The following NKAIN2 variants were observed in gnomAD, a reference collection of about 807,000 sequenced individuals.
NKAIN2 encodes sodium/potassium-transporting ATPase subunit beta-1-interacting protein 2.
A neutral mutation model predicts 32.6 loss-of-function variants in NKAIN2; 14 were observed. The observed-to-expected ratio is 0.43, with a 90% CI of 0.28 to 0.67. NKAIN2 has a LOEUF of 0.67. Ranked by LOEUF, NKAIN2 falls within the 30% of genes least tolerant of loss-of-function variation. The pLI, the probability that NKAIN2 is intolerant of heterozygous loss-of-function variation, is 0.17. For missense variants in NKAIN2, 198 were observed against 258.3 expected, an observed-to-expected ratio of 0.77 and a Z score of 1.60; for synonymous variants, 80 against 87.2, an observed-to-expected ratio of 0.92 and a Z score of 0.46.
In NKAIN2 at chr6:124,751,773, G is replaced by GT. The variant is rs142029473; in HGVS notation, c.475-39564dup. Among the ~76,000 whole-genome samples the GT allele has an allele frequency of 1.9e-3, 286 of 151,592 alleles. 2 individuals carry two copies. The highest frequency in any genetic ancestry group is 6.8e-3 in the Middle Eastern group (2 of 294). On this transcript the variant is annotated intron_variant, in intron 4 of 6. Transcript: ENST00000368417. ...GCAGGAGGATTGCTTGAGCCCAGGA[G>GT]TTGGAGACCAACCTGGGTAACATAG... is the stretch of plus-strand genomic sequence containing the variant.
At chr6:124,705,423 CTTG>C (rs150235876) in intron 4 of NKAIN2, among the ~76,000 whole-genome samples, 9,609 of 152,080 alleles carry the variant, frequency 0.063, 357 homozygotes, top group African/African-American at 0.1. Context: ...CAGCTGCTTT[CTTG>C]TTGTTGTCTG....
At chr6:123,866,321 T>G (rs1277212709) in intron 1 of NKAIN2, among the ~76,000 whole-genome samples, 1 of 152,244 alleles carries the variant, frequency 6.6e-6, no homozygotes, top group African/African-American at 2.4e-5. Context: ...CATTCATTGT[T>G]TTTACTTCTT....
chr6:124,436,885 A>G (rs1383689773), intron 3 of NKAIN2, among the ~76,000 whole-genome samples: 1 of 152,268 alleles, frequency 6.6e-6, no homozygotes, highest in East Asian at 1.9e-4. Flanking sequence ...TGCAATGACT[A>G]TACGGTTCTC....
At chr6:123,834,809 C>T (rs531545537) in intron 1 of NKAIN2, among the ~76,000 whole-genome samples, 7 of 151,646 alleles carry the variant, frequency 4.6e-5, no homozygotes, top group African/African-American at 1.2e-4. Flanking sequence ...TTTTTTTTTG[C>T]GTGTACTGAT....
At chr6:124,740,460 G>GTGTGTGTGTA (rs1315706429) in intron 4 of NKAIN2, among the ~76,000 whole-genome samples, 1 of 150,544 alleles carries the variant, frequency 6.6e-6, no homozygotes, top group Non-Finnish European at 1.5e-5. Context: ...GTGTGTGTGT[G>GTGTGTGTGTA]TGTGTGTGTG....
intron 2 of NKAIN2, among the ~76,000 whole-genome samples, chr6:124,345,501 A>T (rs1798369983): frequency 6.6e-6 from 1 of 151,960 alleles, no homozygotes; most frequent in Admixed American, 6.5e-5. Context: ...GATTATTGCC[A>T]CAATTTCAGA....
chr6:124,795,722 A>G (rs1779966274), intron 5 of NKAIN2, among the ~76,000 whole-genome samples: 1 of 152,044 alleles, frequency 6.6e-6, no homozygotes, highest in Admixed American at 6.6e-5. Context: ...CTCATAGGTG[A>G]TACCTTCTTG....
intron 3 of NKAIN2, among the ~76,000 whole-genome samples, chr6:124,523,372 A>G (rs927860590): frequency 2.0e-5 from 3 of 151,852 alleles, no homozygotes; most frequent in Non-Finnish European, 4.4e-5. Flanking sequence ...TTAGGCCATG[A>G]TTTTTCGGCA....
chr6:124,699,143 C>A (rs1774641233), intron 4 of NKAIN2, among the ~76,000 whole-genome samples: 1 of 152,136 alleles, frequency 6.6e-6, no homozygotes, highest in Non-Finnish European at 1.5e-5. Flanking sequence ...TGTAGGTTAA[C>A]CAAGTTTGGC....
chr6:123,984,559 T>C (rs1314499974), intron 1 of NKAIN2, among the ~76,000 whole-genome samples: 1 of 152,206 alleles, frequency 6.6e-6, no homozygotes, highest in Non-Finnish European at 1.5e-5. Flanking sequence ...TATTTTCATT[T>C]GTATGTGTAC....
chr6:124,253,732 C>T (rs565610065), intron 1 of NKAIN2, among the ~76,000 whole-genome samples: 23 of 152,170 alleles, frequency 1.5e-4, no homozygotes, highest in African/African-American at 5.3e-4. Context: ...CTGTTATTTT[C>T]CCACTATATC....
chr6:124,529,674 C>T (rs1435564380), intron 3 of NKAIN2, among the ~76,000 whole-genome samples: 1 of 152,140 alleles, frequency 6.6e-6, no homozygotes, highest in Non-Finnish European at 1.5e-5. Context: ...CAAGAGGGAG[C>T]TGTGGTGGTC....
At position 123,948,597 on chromosome 6, in the gene NKAIN2, A is replaced by ATTTT. The variant is rs71021472; in HGVS notation, c.54+144372_54+144375dup. Reference sequence around the variant, plus strand: ...AAATCGTTTCCCCATCTTAAATGGGATTTTTTTTTTTTTTTTTTTTTTTTT... The same window carrying ATTTT: ...AAATCGTTTCCCCATCTTAAATGGGATTTTTTTTTTTTTTTTTTTTTTTTTTTTT... On this transcript the variant is annotated intron_variant, in intron 1 of 6. Coordinates refer to ENST00000368417, the MANE Select transcript of NKAIN2 (RefSeq NM_001040214.3). 1.3e-3 allele frequency among the ~76,000 whole-genome samples: 63 copies of ATTTT among 49,318 alleles called. 2 individuals are homozygous for ATTTT. The highest frequency in any genetic ancestry group is 1.9e-3 in the Non-Finnish European group (47 of 24,318). 32.4% of individuals were successfully genotyped at this position (49,318 alleles called of 152,430 possible).
intron 3 of NKAIN2, among the ~76,000 whole-genome samples, chr6:124,610,473 CTA>C (rs1782650444): frequency 6.6e-6 from 1 of 152,152 alleles, no homozygotes; most frequent in South Asian, 2.1e-4. Flanking sequence ...AAAGGGAGAA[CTA>C]ATATCTTTTT....
At chr6:123,904,141 G>T (rs888639043) in intron 1 of NKAIN2, among the ~76,000 whole-genome samples, 1 of 151,812 alleles carries the variant, frequency 6.6e-6, no homozygotes, top group African/African-American at 2.4e-5. Flanking sequence ...TGAGGCAGGC[G>T]AATTGCTTGA....
intron 1 of NKAIN2, among the ~76,000 whole-genome samples, chr6:124,151,944 A>G (rs1787747579): frequency 6.6e-6 from 1 of 151,974 alleles, no homozygotes; most frequent in Non-Finnish European, 1.5e-5. Context: ...CTATCTCTTG[A>G]ATAATAGATA....
chr6:123,851,056 C>T (rs538297441), intron 1 of NKAIN2, among the ~76,000 whole-genome samples: 6 of 151,644 alleles, frequency 4.0e-5, no homozygotes, highest in Non-Finnish European at 7.4e-5. Flanking sequence ...TATTCCATTG[C>T]GTATAGATAT....
chr6:124,743,739 A>C (rs558236661), intron 4 of NKAIN2, among the ~76,000 whole-genome samples: 123 of 151,996 alleles, frequency 8.1e-4, no homozygotes, highest in African/African-American at 2.8e-3. Flanking sequence ...TGGTAAGTTC[A>C]CTGCTCCCAA....
At chr6:124,563,095 G>A (rs1395359147) in intron 3 of NKAIN2, among the ~76,000 whole-genome samples, 6 of 151,944 alleles carry the variant, frequency 3.9e-5, no homozygotes, top group Non-Finnish European at 5.9e-5. Flanking sequence ...TAGTAGAGAC[G>A]GGGTTTCACT....
Sources: gnomAD v4.1 joint callset for allele counts (sites outside exome capture counted in the v4.1 genomes callset) on GRCh38, gnomAD v4.1.1 for gene constraint, MANE v1.5 for transcripts, NCBI Gene and HGNC (gene_info 2026-07-23, HGNC 2026-07-21) for gene names.